CTNNA1: variants seen among roughly 807,000 people sequenced by gnomAD.
CTNNA1 encodes the protein catenin alpha 1, also known as catenin alpha-1.
In CTNNA1, 37 loss-of-function variants were observed where a neutral mutation model predicts 98.4. That is an observed-to-expected ratio of 0.38 (90% CI 0.29 to 0.49). The LOEUF is 0.49. Ranked by LOEUF, CTNNA1 falls within the 20% of genes least tolerant of loss-of-function variation. The pLI is 0.95. For synonymous variants in CTNNA1, 404 were observed against 413.2 expected (o/e 0.98, Z 0.27); for missense variants, 761 against 1,147.2 (o/e 0.66, Z 4.86).
At chr5:138,821,111 A>G (rs567693015) in intron 5 of CTNNA1, among the ~76,000 whole-genome samples, 12 of 152,242 alleles carry the variant, frequency 7.9e-5, no homozygotes, top group Non-Finnish European at 1.2e-4. Flanking sequence ...TGTGACGCCA[A>G]TCAGTTACTT....
At chr5:138,919,405 C>G (rs1305607499) in intron 11 of CTNNA1, among the ~76,000 whole-genome samples, 1 of 152,140 alleles carries the variant, frequency 6.6e-6, no homozygotes, top group African/African-American at 2.4e-5. Context: ...TTTCAGTCCT[C>G]CTTACAGCCA....
In CTNNA1 at chr5:138,812,245, TA is replaced by T; in HGVS notation, c.534del (p.Ala179ProfsTer2). ...ATGAACAAGACTTAGGAATCCAGTA[TA>T]AAGCCCTAAAACCTGAAGTGGATAA... ...GNEQDLGIQYKALKPEVDKLN... is the reference protein window; with the variant it reads ...GNEQDLGIQYXALKPEVDKLN... On this transcript the variant is annotated frameshift_variant, in exon 5 of 18. Coordinates refer to ENST00000302763, the MANE Select transcript of CTNNA1 (RefSeq NM_001903.5). LOFTEE classifies it high-confidence loss of function. 1 of 1,613,914 alleles carries T rather than the reference TA, an allele frequency of 6.2e-7. No homozygotes were observed. Among genetic ancestry groups the T allele is most frequent in the South Asian group, 1.1e-5 (1 of 91,066 alleles).
chr5:138,911,837 A>G (rs781210252), intron 10 of CTNNA1, among the ~76,000 whole-genome samples: 1 of 152,218 alleles, frequency 6.6e-6, no homozygotes, highest in Non-Finnish European at 1.5e-5. Context: ...AGCACTGGTT[A>G]GAGTCTGGAT....
intron 9 of CTNNA1, among the ~76,000 whole-genome samples, chr5:138,894,367 G>T (rs568345372): frequency 7.0e-6 from 1 of 142,314 alleles, no homozygotes; most frequent in Admixed American, 7.3e-5. Context: ...CTGAAGCCTT[G>T]ACCTCCCAGG....
At position 138,874,281 on chromosome 5, in the gene CTNNA1, G is replaced by A; in HGVS notation, c.1063-11931G>A. On this transcript the variant is annotated intron_variant, in intron 7 of 17. Transcript: ENST00000302763. The surrounding 1 kb of genome is among the most constrained non-coding windows in gnomAD (Gnocchi z 4.1). Reference sequence around the variant, plus strand: ...TCTTTTACTGTTGAAATTTGATTGTGATCTAAGTGGAGCCAAGTAAGTTGA... The same window carrying A: ...TCTTTTACTGTTGAAATTTGATTGTAATCTAAGTGGAGCCAAGTAAGTTGA... The A allele has an allele frequency of 6.2e-7, 1 of 1,613,998 alleles. No individual in the cohort carries two copies. The highest frequency in any genetic ancestry group is 8.5e-7 in the Non-Finnish European group (1 of 1,179,900).
At chr5:138,902,646 C>T (rs1048195144) in intron 9 of CTNNA1, among the ~76,000 whole-genome samples, 1 of 152,188 alleles carries the variant, frequency 6.6e-6, no homozygotes. Context: ...GTCTCGATCT[C>T]CTGACCTCAT....
Position 138,753,482 on chromosome 5 carries a change from G to A in CTNNA1, c.-31G>A, listed in dbSNP as rs1003990147. 2.6e-6 allele frequency: 1 copy of A among 379,442 alleles called. No individual in the cohort carries two copies. The highest frequency in any genetic ancestry group is 3.7e-5 in the East Asian group (1 of 26,702). The allele number at this position is 379,442 out of a possible 1,614,324, so 23.5% of individuals were successfully genotyped here. On this transcript the variant is annotated 5_prime_UTR_variant, in exon 1 of 18. Transcript: ENST00000302763. ...AGCGCCCGTCTGCTTCGGGCCTCTG[G>A]AATTTAGCGCTCGCCCAGCTAGCCG...
At chr5:138,923,506 GGAA>G in intron 11 of CTNNA1, among the ~76,000 whole-genome samples, 1 of 152,148 alleles carries the variant, frequency 6.6e-6, no homozygotes, top group East Asian at 1.9e-4. Context: ...GGCCTTCCCT[GGAA>G]AGGTGTTTTT....
At chr5:138,820,299 A>T (rs1759901446) in intron 5 of CTNNA1, among the ~76,000 whole-genome samples, 1 of 151,772 alleles carries the variant, frequency 6.6e-6, no homozygotes, top group East Asian at 1.9e-4. Flanking sequence ...GGCCGCTCAC[A>T]CTAGGAGCAA....
At chr5:138,875,004 C>A in intron 7 of CTNNA1, 2 of 1,309,228 alleles carry the variant, frequency 1.5e-6, no homozygotes, top group South Asian at 1.2e-5. Flanking sequence ...GAGCCTTTGA[C>A]CAGTTTCCTG....
intron 1 of CTNNA1, among the ~76,000 whole-genome samples, chr5:138,778,860 T>C (rs574659896): frequency 6.6e-6 from 1 of 152,286 alleles, no homozygotes; most frequent in African/African-American, 2.4e-5. Context: ...TGGTAGTCTT[T>C]TATGAGGGAT....
chr5:138,767,268 C>T (rs2149594480), intron 1 of CTNNA1, among the ~76,000 whole-genome samples: 1 of 152,270 alleles, frequency 6.6e-6, no homozygotes, highest in South Asian at 2.1e-4. Context: ...GATCTCCTGA[C>T]CTTGTGATCT....
At chr5:138,827,800 A>C in intron 7 of CTNNA1, 82 bp downstream of exon 7, 1 of 1,518,836 alleles carries the variant, frequency 6.6e-7, no homozygotes, top group South Asian at 1.2e-5. Context: ...AGATGTTTTC[A>C]CTATAAATAC....
Position 138,886,133 on chromosome 5 carries a change from A to C in CTNNA1, c.1063-79A>C, listed in dbSNP as rs950859952. On this transcript the variant is annotated intron_variant, in intron 7 of 17. Coordinates refer to ENST00000302763, the MANE Select transcript of CTNNA1 (RefSeq NM_001903.5). ...GTTGTACTGCTTTTTCAGTGTTGAC[A>C]TGAGCACAAATGGCTATAGGCTATC... 9 of 1,493,586 alleles carry C rather than the reference A, an allele frequency of 6.0e-6. No individual in the cohort carries two copies. The Admixed American group carries it at 1.9e-4, about 32-fold the overall frequency. The allele number at this position is 1,493,586 out of a possible 1,614,324, so 92.5% of individuals were successfully genotyped here. A position where few individuals can be genotyped will look rare whatever the true frequency, so the allele number is the denominator to read the frequency against.
intron 4 of CTNNA1, among the ~76,000 whole-genome samples, chr5:138,810,812 C>G (rs1435008739): frequency 6.6e-6 from 1 of 152,268 alleles, no homozygotes; most frequent in African/African-American, 2.4e-5. Context: ...GGGTACACCT[C>G]CCAGACGGGG....
chr5:138,787,823 A>C (rs1001841893), intron 3 of CTNNA1, among the ~76,000 whole-genome samples: 1 of 152,232 alleles, frequency 6.6e-6, no homozygotes, highest in Non-Finnish European at 1.5e-5. Flanking sequence ...TTGTGAGTAT[A>C]CTAAAATTTC....
rs1766160006 is a variant in CTNNA1 at position 138,934,652 on chromosome 5, A to ATTGTT, written c.*564_*568dup. 6.5e-6 allele frequency: 1 copy of ATTGTT among 153,414 alleles called. No individual in the cohort carries two copies. Among genetic ancestry groups the ATTGTT allele is most frequent in the Admixed American group, 6.5e-5 (1 of 15,366 alleles). The allele number at this position is 153,414 out of a possible 1,614,324, so 9.5% of individuals were successfully genotyped here. ...TGACATGAAATGAAAATTTTAATGCATTGTTATAATTACTAATGTACGCTG... is the reference window on the plus strand; with the variant it reads ...TGACATGAAATGAAAATTTTAATGCATTGTTTTGTTATAATTACTAATGTACGCTG... On this transcript the variant is annotated 3_prime_UTR_variant, in exon 18 of 18. Transcript: ENST00000302763.
chr5:138,774,989 G>T (rs1286325032), intron 1 of CTNNA1, among the ~76,000 whole-genome samples: 1 of 152,184 alleles, frequency 6.6e-6, no homozygotes, highest in African/African-American at 2.4e-5. Context: ...AAAAGACCAA[G>T]AATGTTTTTT....
intron 7 of CTNNA1, among the ~76,000 whole-genome samples, chr5:138,857,788 A>G (rs1763859954): frequency 1.3e-5 from 2 of 152,264 alleles, no homozygotes; most frequent in South Asian, 4.1e-4. Flanking sequence ...GCCTGGCTCC[A>G]GAATTTGAGC....
Sources: gnomAD v4.1 joint callset for allele counts (sites outside exome capture counted in the v4.1 genomes callset) on GRCh38, gnomAD v4.1.1 for gene constraint, Gnocchi (gnomAD v3.1) non-coding constraint, MANE v1.5 for transcripts, NCBI Gene and HGNC (gene_info 2026-07-23, HGNC 2026-07-21) for gene names.